CCDC60: variants seen among roughly 807,000 people sequenced by gnomAD.
CCDC60 encodes coiled-coil domain containing 60, also known as coiled-coil domain-containing protein 60.
CCDC60 carries 54 observed loss-of-function variants against 63.5 expected under a neutral mutation model. That is an observed-to-expected ratio of 0.85 (90% CI 0.68 to 1.07). The LOEUF is 1.07. Ranked by LOEUF, CCDC60 falls within the 50% of genes least tolerant of loss-of-function variation. CCDC60 has a pLI of 0.00. For missense variants in CCDC60, 651 were observed against 684.3 expected (o/e 0.95, Z 0.54); for synonymous variants, 206 against 238.8 (o/e 0.86, Z 1.27).
At chr12:119,419,001 T>C (rs1956761292) in intron 1 of CCDC60, among the ~76,000 whole-genome samples, 1 of 152,250 alleles carries the variant, frequency 6.6e-6, no homozygotes, top group African/African-American at 2.4e-5. Context: ...ACAGCAGCTT[T>C]CATGCAGCGG....
rs1955456628 is a variant in CCDC60 at position 119,335,101 on chromosome 12, A to G, written c.-76A>G. 1 of 1,190,666 alleles carries G rather than the reference A, an allele frequency of 8.4e-7. No homozygotes were observed. Among genetic ancestry groups the G allele is most frequent in the Non-Finnish European group, 1.2e-6 (1 of 830,508 alleles). The allele number at this position is 1,190,666 out of a possible 1,614,324, so 73.8% of individuals were successfully genotyped here. ...AGAAGTTGCCGAAACTTCTCATACC[A>G]GTAACTACTGAAGTAGAAGATTCTG... On this transcript the variant is annotated 5_prime_UTR_variant, in exon 1 of 14. Transcript: ENST00000327554.
rs189539615 is a variant in CCDC60, at chr12:119,339,079, G to A, written c.90+3813G>A. Among the ~76,000 whole-genome samples the A allele has an allele frequency of 2.4e-3, 364 of 152,134 alleles. 1 individual carries two copies. The highest frequency in any genetic ancestry group is 3.5e-3 in the Non-Finnish European group (236 of 67,996). On this transcript the variant is annotated intron_variant, in intron 1 of 13. Transcript: ENST00000327554. ...TTGAAAGTCTTTTGTTAAAGAAACC[G>A]TCTAGCTTGCCCTTATGTTGGGTTC...
At chr12:119,404,307 C>A (rs1433289394) in intron 1 of CCDC60, among the ~76,000 whole-genome samples, 3 of 152,080 alleles carry the variant, frequency 2.0e-5, no homozygotes, top group Admixed American at 2.0e-4. Flanking sequence ...AATAAAAAGT[C>A]ATTTTGTTTA....
At chr12:119,341,072 T>A (rs1214025263) in intron 1 of CCDC60, among the ~76,000 whole-genome samples, 1 of 152,226 alleles carries the variant, frequency 6.6e-6, no homozygotes, top group African/African-American at 2.4e-5. Flanking sequence ...GCAGAATTCA[T>A]GTTTTTTGTT....
chr12:119,442,927 C>CT (rs1440392998), intron 2 of CCDC60, among the ~76,000 whole-genome samples: 1 of 152,236 alleles, frequency 6.6e-6, no homozygotes, highest in East Asian at 1.9e-4. Context: ...GCTGAAAGTA[C>CT]TTCAGACGTG....
At chr12:119,479,951 A>G (rs1951265425) in intron 4 of CCDC60, among the ~76,000 whole-genome samples, 2 of 150,818 alleles carry the variant, frequency 1.3e-5, no homozygotes, top group Non-Finnish European at 3.0e-5. Flanking sequence ...ACATTACCAA[A>G]TGTCCCCTGG....
At chr12:119,429,419 G>A (rs543654252) in intron 2 of CCDC60, among the ~76,000 whole-genome samples, 28 of 152,172 alleles carry the variant, frequency 1.8e-4, no homozygotes, top group African/African-American at 3.4e-4. Flanking sequence ...AACATCCCAA[G>A]GTAGGATCCT....
At chr12:119,464,675 T>C (rs1385752897) in intron 2 of CCDC60, among the ~76,000 whole-genome samples, 1 of 152,044 alleles carries the variant, frequency 6.6e-6, no homozygotes, top group African/African-American at 2.4e-5. Flanking sequence ...CCATTAATGT[T>C]AAAATAGAGA....
intron 7 of CCDC60, among the ~76,000 whole-genome samples, chr12:119,507,602 A>T (rs1433121055): frequency 0.074 from 1,757 of 23,772 alleles, 213 homozygotes; most frequent in East Asian, 0.31. Flanking sequence ...ATATATATAT[A>T]TATATATATA....
Position 119,390,202 on chromosome 12 carries a change from C to T in CCDC60, c.91-38481C>T, listed in dbSNP as rs75272463. Among the ~76,000 whole-genome samples the T allele has an allele frequency of 1.7e-3, 254 of 152,276 alleles. 10 individuals are homozygous for T. In the East Asian group the frequency reaches 0.042, roughly 25 times the overall value. ...AGGCATTTGCACAAGCCATTCCTGCCGCCCAGAACATTCCCTTAATAAACA... is the reference window on the plus strand; with the variant it reads ...AGGCATTTGCACAAGCCATTCCTGCTGCCCAGAACATTCCCTTAATAAACA... On this transcript the variant is annotated intron_variant, in intron 1 of 13. Transcript: ENST00000327554.
At chr12:119,463,216 C>A (rs558118303) in intron 2 of CCDC60, among the ~76,000 whole-genome samples, 1 of 152,326 alleles carries the variant, frequency 6.6e-6, no homozygotes, top group African/African-American at 2.4e-5. Flanking sequence ...ATGAGAGAAT[C>A]TGGACAACAG....
intron 1 of CCDC60, among the ~76,000 whole-genome samples, chr12:119,341,088 G>C (rs1955527269): frequency 6.6e-6 from 1 of 152,130 alleles, no homozygotes; most frequent in African/African-American, 2.4e-5. Flanking sequence ...TTGTTTAGGT[G>C]GTTTGTTTGG....
At chr12:119,383,456 T>C (rs1260163056) in intron 1 of CCDC60, among the ~76,000 whole-genome samples, 1 of 152,116 alleles carries the variant, frequency 6.6e-6, no homozygotes, top group Non-Finnish European at 1.5e-5. Context: ...TTTCCTTATC[T>C]GGAACTTGGA....
rs1955458970 is a variant in CCDC60, at chr12:119,335,272, T to A, written c.90+6T>A. The A allele has an allele frequency of 3.8e-6, 6 of 1,586,686 alleles. No homozygotes were observed. Among genetic ancestry groups the A allele is most frequent in the Non-Finnish European group, 5.1e-6 (6 of 1,166,750 alleles). ...CCTCGGAGAACCTAAGGCAGGTAAG[T>A]CTCCCCTCTGCTGAAACCAATCATG... is the stretch of plus-strand genomic sequence containing the variant. On this transcript the variant is annotated splice_donor_region_variant and intron_variant, in intron 1 of 13. Coordinates refer to ENST00000327554, the MANE Select transcript of CCDC60 (RefSeq NM_178499.5).
At position 119,488,773 on chromosome 12, in the gene CCDC60, G is replaced by A. The variant is rs200062829; in HGVS notation, c.464G>A (p.Arg155His). The change falls in exon 5 of 14, where the codon CGC (arginine) becomes CAC (histidine). Residue 155 changes from arginine (R) to histidine (H), a missense_variant. Transcript: ENST00000327554. The stretch of plus-strand genomic sequence containing the variant: ...TGTCTTTGCAGCGAGCCCCTCTTCC[G>A]CCAGCTCTGTGCTCTCCACTGGCTT... The part of the protein sequence containing the change: ...LTEAHVEPLF[R>H]QLCALHWLLE... The A allele has an allele frequency of 2.0e-5, 33 of 1,614,012 alleles. No individual in the cohort carries two copies. The highest frequency in any genetic ancestry group is 8.9e-5 in the East Asian group (4 of 44,882).
At chr12:119,415,837 G>A (rs34765258) in intron 1 of CCDC60, among the ~76,000 whole-genome samples, 32,484 of 152,182 alleles carry the variant, frequency 0.21, 3,634 homozygotes, top group South Asian at 0.42. Context: ...AACATCCACA[G>A]ACAGTAATAA....
chr12:119,392,597 G>T (rs1385046555), intron 1 of CCDC60, among the ~76,000 whole-genome samples: 1 of 152,160 alleles, frequency 6.6e-6, no homozygotes, highest in African/African-American at 2.4e-5. Flanking sequence ...TTATGATCAT[G>T]GTTATCCCCA....
At chr12:119,428,105 G>A (rs1620795) in intron 1 of CCDC60, among the ~76,000 whole-genome samples, 84,042 of 151,888 alleles carry the variant, frequency 0.55, 23,539 homozygotes, top group East Asian at 0.74. Context: ...TAGGGAGAAA[G>A]AAAAACCCAC....
chr12:119,349,337 CTTTT>C (rs34682909), intron 1 of CCDC60, among the ~76,000 whole-genome samples: 1 of 126,278 alleles, frequency 7.9e-6, no homozygotes, highest in Non-Finnish European at 1.7e-5. Flanking sequence ...GGGCGTGTTC[CTTTT>C]TTTTTTTTTT....
Sources: allele counts gnomAD v4.1 joint callset (sites outside exome capture counted in the v4.1 genomes callset), GRCh38; gene constraint gnomAD v4.1.1; transcripts MANE v1.5; gene names NCBI Gene and HGNC (gene_info 2026-07-23, HGNC 2026-07-21).